Variants in FMN2 observed in about 807,000 individuals in gnomAD.
FMN2 encodes the protein formin 2.
FMN2 carries 51 observed loss-of-function variants against 142.3 expected under a neutral mutation model. That is an observed-to-expected ratio of 0.36 (90% confidence interval 0.29 to 0.45). The LOEUF is 0.45. FMN2 is among the 20% of genes least tolerant of loss of function. FMN2 has a pLI of 1.00. For synonymous variants in FMN2, 882 were observed against 869.8 expected, an observed-to-expected ratio of 1.01 and a Z score of -0.25; for missense variants, 1,936 against 2,122.8, an observed-to-expected ratio of 0.91 and a Z score of 1.73.
At chr1:240,366,662 C>G (rs1344077321) in intron 14 of FMN2, among the ~76,000 whole-genome samples, 1 of 151,884 alleles carries the variant, frequency 6.6e-6, no homozygotes, top group Non-Finnish European at 1.5e-5. Context: ...CTCAGCCTTC[C>G]AAGTTCAGCC....
chr1:240,144,711 C>T, intron 2 of FMN2: 1 of 1,304,924 alleles, frequency 7.7e-7, no homozygotes, highest in Non-Finnish European at 1.1e-6. Context: ...TATGCATTCT[C>T]ATCAATGTCC....
chr1:240,381,747 C>A (rs1400042757), intron 14 of FMN2, among the ~76,000 whole-genome samples: 3 of 152,098 alleles, frequency 2.0e-5, no homozygotes, highest in African/African-American at 4.8e-5. Flanking sequence ...TTAACAGCTG[C>A]AGAAAAGGCA....
intron 2 of FMN2, among the ~76,000 whole-genome samples, chr1:240,152,306 T>TTA (rs1663817877): frequency 6.9e-6 from 1 of 145,954 alleles, no homozygotes; most frequent in Non-Finnish European, 1.5e-5. Flanking sequence ...CGAGCTCATT[T>TTA]AAAAAAAAAA....
intron 16 of FMN2, among the ~76,000 whole-genome samples, chr1:240,463,628 G>C (rs1301238181): frequency 6.6e-6 from 1 of 152,170 alleles, no homozygotes; most frequent in African/African-American, 2.4e-5. Flanking sequence ...CAACAGAAGA[G>C]ATTAAGGAAA....
intron 6 of FMN2, among the ~76,000 whole-genome samples, chr1:240,241,573 C>T (rs990277471): frequency 6.6e-6 from 1 of 152,114 alleles, no homozygotes; most frequent in East Asian, 1.9e-4. Flanking sequence ...TCATACTGAA[C>T]ATCATTCATT....
chr1:240,093,859 T>C, intron 1 of FMN2, 135 bp downstream of exon 1: 1 of 562,000 alleles, frequency 1.8e-6, no homozygotes, highest in Non-Finnish European at 2.7e-6. Context: ...AGGGAATCCT[T>C]TTCCGCCCAG....
intron 15 of FMN2, among the ~76,000 whole-genome samples, chr1:240,397,604 C>T (rs941586504): frequency 6.6e-6 from 1 of 151,848 alleles, no homozygotes; most frequent in Non-Finnish European, 1.5e-5. Flanking sequence ...GCCTGGCCAA[C>T]ATGGCAAAAC....
intron 2 of FMN2, chr1:240,142,770 G>A: frequency 6.3e-7 from 1 of 1,596,816 alleles, no homozygotes; most frequent in Non-Finnish European, 8.6e-7. Flanking sequence ...TTCCCCGTGG[G>A]CCAACGACAC....
intron 3 of FMN2, among the ~76,000 whole-genome samples, chr1:240,178,696 A>G (rs1400053861): frequency 1.3e-5 from 2 of 152,010 alleles, no homozygotes; most frequent in East Asian, 3.9e-4. Flanking sequence ...GGTCTCCTAA[A>G]GTGCTGGAAT....
chr1:240,309,290 A>G (rs1670520636), intron 8 of FMN2, among the ~76,000 whole-genome samples: 1 of 152,168 alleles, frequency 6.6e-6, no homozygotes, highest in African/African-American at 2.4e-5. Context: ...TGCCTGGGCC[A>G]TAGCTGGTCA....
At chr1:240,333,546 CAT>C (rs903768448) in intron 11 of FMN2, among the ~76,000 whole-genome samples, 2 of 151,984 alleles carry the variant, frequency 1.3e-5, no homozygotes, top group African/African-American at 4.8e-5. Context: ...AGTTTTAAAA[CAT>C]AAAAAATTAT....
intron 5 of FMN2, among the ~76,000 whole-genome samples, chr1:240,209,777 G>A (rs1226720780): frequency 1.3e-5 from 2 of 151,642 alleles, no homozygotes; most frequent in African/African-American, 4.8e-5. Context: ...GGTGGCGGGC[G>A]CCGGTAGTTC....
chr1:240,395,435 G>A (rs1673742733), intron 15 of FMN2, among the ~76,000 whole-genome samples: 1 of 152,142 alleles, frequency 6.6e-6, no homozygotes, highest in South Asian at 2.1e-4. Context: ...AGCTGCCATA[G>A]GTAGTGATTC....
At chr1:240,363,991 A>G (rs974168008) in intron 14 of FMN2, among the ~76,000 whole-genome samples, 1 of 151,900 alleles carries the variant, frequency 6.6e-6, no homozygotes, top group East Asian at 1.9e-4. Context: ...CACTAGTGGG[A>G]AAAAAAAGGT....
At chr1:240,332,648 A>G (rs183591124) in intron 11 of FMN2, among the ~76,000 whole-genome samples, 349 of 152,302 alleles carry the variant, frequency 2.3e-3, no homozygotes, top group African/African-American at 7.3e-3. Context: ...AATCTAAAAT[A>G]AAAATTTAAA....
intron 13 of FMN2, among the ~76,000 whole-genome samples, chr1:240,350,963 C>T (rs1672076922): frequency 6.6e-6 from 1 of 152,144 alleles, no homozygotes; most frequent in Non-Finnish European, 1.5e-5. Flanking sequence ...ATTATTTATT[C>T]ATTCCACAAA....
At chr1:240,222,515 T>A (rs927488095) in intron 6 of FMN2, among the ~76,000 whole-genome samples, 14 of 151,888 alleles carry the variant, frequency 9.2e-5, no homozygotes, top group African/African-American at 1.4e-4. Context: ...GTTTTTTTTT[T>A]AAATTCTGTG....
rs144291823 is a variant in FMN2, at chr1:240,185,222, T to C, written c.1931-2985T>C. The stretch of plus-strand genomic sequence containing the variant: ...TATACCTTTTTCCTTCTCTTTCTTT[T>C]ATTCTGTATTGTTTTCTTTTTCCTT... On this transcript the variant is annotated intron_variant, in intron 3 of 17. Transcript: ENST00000319653. 1.8e-3 allele frequency among the ~76,000 whole-genome samples: 276 copies of C among 150,558 alleles called. 3 individuals carry two copies. The highest frequency in any genetic ancestry group is 6.5e-3 in the African/African-American group (262 of 40,088).
intron 8 of FMN2, among the ~76,000 whole-genome samples, chr1:240,295,208 ACACACACACACACACACT>A: frequency 6.6e-6 from 1 of 151,790 alleles, no homozygotes; most frequent in South Asian, 2.1e-4. Context: ...ACACACACAC[ACACACACACACACACACT>A]CACACACACT....
Sources: gnomAD v4.1 joint callset for allele counts (sites outside exome capture counted in the v4.1 genomes callset) on GRCh38, gnomAD v4.1.1 for gene constraint, MANE v1.5 for transcripts, NCBI Gene and HGNC (gene_info 2026-07-23, HGNC 2026-07-21) for gene names.